METTL15: variants seen among roughly 807,000 people sequenced by gnomAD.
METTL15 encodes 12S rRNA N(4)-cytidine methyltransferase METTL15.
A neutral mutation model predicts 38.3 loss-of-function variants in METTL15; 34 were observed. The ratio of observed to expected loss-of-function variants is 0.89; its 90% CI spans 0.68 to 1.18. METTL15 has a LOEUF of 1.18. Among genes scored for constraint, METTL15 ranks in the 50% most tolerant of loss-of-function variants. METTL15 has a pLI of 0.00. For synonymous variants in METTL15, 162 were observed against 170.9 expected (o/e 0.95, Z 0.41); for missense variants, 438 against 498.4 (o/e 0.88, Z 1.15).
chr11:28,460,558 G>A (rs1188015497), intron 6 of METTL15, among the ~76,000 whole-genome samples: 1 of 152,006 alleles, frequency 6.6e-6, no homozygotes, highest in African/African-American at 2.4e-5. Context: ...GCTTTATTTT[G>A]GAAGTGAGTA....
intron 4 of METTL15, among the ~76,000 whole-genome samples, chr11:28,267,511 C>T (rs1476242260): frequency 6.6e-6 from 1 of 152,174 alleles, no homozygotes; most frequent in Non-Finnish European, 1.5e-5. Flanking sequence ...TTACTTGTCA[C>T]TTATTAAACT....
chr11:28,397,685 T>C (rs1590360854), intron 5 of METTL15, among the ~76,000 whole-genome samples: 1 of 152,050 alleles, frequency 6.6e-6, no homozygotes, highest in African/African-American at 2.4e-5. Flanking sequence ...GTGTGGCGAT[T>C]CCTCAGGGAT....
chr11:28,128,258 A>C (rs1310531316), intron 3 of METTL15, among the ~76,000 whole-genome samples: 1 of 152,132 alleles, frequency 6.6e-6, no homozygotes, highest in Non-Finnish European at 1.5e-5. Flanking sequence ...AATTAACCAG[A>C]AATAACAGTA....
chr11:28,447,126 A>G (rs1851081855), intron 6 of METTL15, among the ~76,000 whole-genome samples: 1 of 152,152 alleles, frequency 6.6e-6, no homozygotes. Context: ...ACTTCTTTTT[A>G]ATATGTGTGT....
intron 6 of METTL15, among the ~76,000 whole-genome samples, chr11:28,516,125 G>T (rs945395149): frequency 6.6e-6 from 1 of 152,180 alleles, no homozygotes; most frequent in African/African-American, 2.4e-5. Context: ...CACATATATA[G>T]ATTTATTTCA....
intron 5 of METTL15, among the ~76,000 whole-genome samples, chr11:28,366,757 AC>A (rs1850190120): frequency 6.6e-6 from 1 of 152,166 alleles, no homozygotes; most frequent in Non-Finnish European, 1.5e-5. Flanking sequence ...TGCTCTGCCA[AC>A]CCATATTTAA....
chr11:28,317,156 A>T (rs917379076), intron 6 of METTL15, among the ~76,000 whole-genome samples: 43 of 151,918 alleles, frequency 2.8e-4, no homozygotes, highest in African/African-American at 9.9e-4. Flanking sequence ...GGATTTGTAA[A>T]TCTCAACCAC....
chr11:28,401,434 C>T (rs528229217), intron 5 of METTL15, among the ~76,000 whole-genome samples: 6 of 152,092 alleles, frequency 3.9e-5, no homozygotes, highest in Middle Eastern at 3.4e-3. Flanking sequence ...GGTCTTCTCT[C>T]ATATGTGTGT....
chr11:28,187,695 G>A (rs1851550710), intron 3 of METTL15, among the ~76,000 whole-genome samples: 2 of 150,932 alleles, frequency 1.3e-5, no homozygotes, highest in Admixed American at 6.6e-5. Flanking sequence ...CTCCTGTATA[G>A]AACAAGGTAT....
At chr11:28,127,178 A>G (rs1430604092) in intron 3 of METTL15, among the ~76,000 whole-genome samples, 4 of 152,062 alleles carry the variant, frequency 2.6e-5, no homozygotes, top group Non-Finnish European at 4.4e-5. Context: ...ACTGTGGAGG[A>G]TGGATTGGTC....
At chr11:28,526,761 G>T (rs1590404845) in exon 8 of METTL15, 2 of 152,212 alleles carry the variant, frequency 1.3e-5, no homozygotes, top group African/African-American at 2.4e-5. Flanking sequence ...AAGCCATTCG[G>T]TCTGTGGTAT....
intron 4 of METTL15, among the ~76,000 whole-genome samples, chr11:28,242,497 A>T (rs1854342288): frequency 1.3e-5 from 2 of 152,196 alleles, no homozygotes; most frequent in African/African-American, 4.8e-5. Flanking sequence ...AGAATATAAA[A>T]ATGCTCATTT....
intron 4 of METTL15, among the ~76,000 whole-genome samples, chr11:28,272,089 G>A (rs1017686565): frequency 1.3e-5 from 2 of 152,140 alleles, no homozygotes; most frequent in Non-Finnish European, 2.9e-5. Context: ...AGAGGATGTG[G>A]AAAAATAGGA....
At chr11:28,364,842 G>A (rs1170355300) in intron 5 of METTL15, among the ~76,000 whole-genome samples, 1 of 152,132 alleles carries the variant, frequency 6.6e-6, no homozygotes, top group Non-Finnish European at 1.5e-5. Context: ...TTATTTTGAG[G>A]TATATTCCTT....
intron 6 of METTL15, among the ~76,000 whole-genome samples, chr11:28,436,764 A>G (rs1850985547): frequency 6.6e-6 from 1 of 152,142 alleles, no homozygotes. Context: ...CAGAGATCTC[A>G]TTTTATACAC....
intron 3 of METTL15, among the ~76,000 whole-genome samples, chr11:28,210,020 TG>T (rs1413559830): frequency 6.6e-6 from 1 of 152,034 alleles, no homozygotes; most frequent in East Asian, 1.9e-4. Flanking sequence ...TGAGGGAATA[TG>T]TGGAGAATGT....
At chr11:28,136,790 T>C (rs530835402) in intron 3 of METTL15, among the ~76,000 whole-genome samples, 1 of 152,120 alleles carries the variant, frequency 6.6e-6, no homozygotes, top group East Asian at 1.9e-4. Flanking sequence ...TTTTTGAAGC[T>C]GAAGTTTGAT....
intron 3 of METTL15, among the ~76,000 whole-genome samples, chr11:28,194,481 T>C (rs534021593): frequency 4.6e-5 from 7 of 152,082 alleles, no homozygotes; most frequent in African/African-American, 1.7e-4. Context: ...ATTACAAGCA[T>C]GAGCCACCAT....
intron 5 of METTL15, among the ~76,000 whole-genome samples, chr11:28,293,133 G>A (rs1292018574): frequency 6.6e-6 from 1 of 152,196 alleles, no homozygotes; most frequent in Non-Finnish European, 1.5e-5. Context: ...CCTTACCCAT[G>A]CCTATGTCCT....
Sources: allele counts gnomAD v4.1 joint callset (sites outside exome capture counted in the v4.1 genomes callset), GRCh38; gene constraint gnomAD v4.1.1; transcripts MANE v1.5; gene names NCBI Gene and HGNC (gene_info 2026-07-23, HGNC 2026-07-21).